The following DCDC2C variants were observed in gnomAD, a reference collection of about 807,000 sequenced individuals.
DCDC2C encodes the protein doublecortin domain-containing protein 2C.
Under a neutral mutation model 45.0 loss-of-function variants are expected in DCDC2C, and 44 were observed. That is an observed-to-expected ratio of 0.98 (90% CI 0.77 to 1.26). The LOEUF (loss-of-function observed/expected upper bound fraction) is 1.26. Among genes scored for constraint, DCDC2C ranks in the 50% most tolerant of loss-of-function variants. DCDC2C has a pLI of 0.00. For missense variants in DCDC2C, 447 were observed against 468.9 expected, an observed-to-expected ratio of 0.95 and a Z score of 0.43; for synonymous variants, 187 against 178.8, an observed-to-expected ratio of 1.05 and a Z score of -0.37.
At chr2:3,770,896 G>A (rs1305697127) in intron 8 of DCDC2C, among the ~76,000 whole-genome samples, 1 of 152,226 alleles carries the variant, frequency 6.6e-6, no homozygotes, top group Non-Finnish European at 1.5e-5. Context: ...GGAGGGAAGA[G>A]GGCCAGTAGG....
At chr2:3,704,190 T>C in intron 1 of DCDC2C, 152 bp downstream of exon 1, 2 of 708,850 alleles carry the variant, frequency 2.8e-6, no homozygotes, top group Non-Finnish European at 3.9e-6. Flanking sequence ...GCAGCCGGCG[T>C]CGGGCCGCCC....
chr2:3,835,265 G>A (rs11693058), intron 10 of DCDC2C, among the ~76,000 whole-genome samples: 68,155 of 152,044 alleles, frequency 0.45, 15,734 homozygotes, highest in Non-Finnish European at 0.5. Context: ...AAGCCCACTC[G>A]TGGTGTTCTT....
chr2:3,769,330 AC>A lies in DCDC2C; in HGVS notation c.875del (p.Pro292ArgfsTer32). Reference protein sequence around the residue: ...RGAEGDVYKAPTPSKETQGAL... With the variant: ...RGAEGDVYKAXTPSKETQGAL... ...TCCCAGAAGGTGACGTGTATAAAGCACCGACTCCTAGCAAGGAAACCCAAGG... is the reference window on the plus strand; with the variant it reads ...TCCCAGAAGGTGACGTGTATAAAGCACGACTCCTAGCAAGGAAACCCAAGG... On this transcript the variant is annotated frameshift_variant, in exon 8 of 11. Coordinates refer to ENST00000399143, the MANE Select transcript of DCDC2C (RefSeq NM_001287444.2). LOFTEE classifies it high-confidence loss of function. The A allele has an allele frequency of 6.4e-7, 1 of 1,550,512 alleles. No individual in the cohort carries two copies.
intron 2 of DCDC2C, among the ~76,000 whole-genome samples, chr2:3,721,261 T>C (rs1439302916): frequency 2.6e-5 from 4 of 152,190 alleles, no homozygotes; most frequent in African/African-American, 9.6e-5. Context: ...GTTTTTATTC[T>C]TCCTATTGTG....
chr2:3,846,833 T>C lies in DCDC2C; in HGVS notation c.1066-321T>C, dbSNP rs57099993. Among the ~76,000 whole-genome samples the C allele has an allele frequency of 6.4e-3, 975 of 152,114 alleles. 4 individuals carry two copies. Among genetic ancestry groups the C allele is most frequent in the African/African-American group, 0.017 (690 of 41,484 alleles). Reference sequence around the variant, plus strand: ...CTGTGGAGTGAGAAGGGGGAGAAGATGAAGGAAGGGGCAGAGGAATGTGAA... The same window carrying C: ...CTGTGGAGTGAGAAGGGGGAGAAGACGAAGGAAGGGGCAGAGGAATGTGAA... On this transcript the variant is annotated intron_variant, in intron 10 of 10. Transcript: ENST00000399143.
At chr2:3,727,147 C>T in intron 3 of DCDC2C, 68 bp downstream of exon 3, 1 of 1,310,646 alleles carries the variant, frequency 7.6e-7, no homozygotes, top group South Asian at 1.3e-5. Context: ...TACTTTCTAT[C>T]CTGACAAATG....
At chr2:3,709,950 C>T (rs1442388146) in intron 2 of DCDC2C, among the ~76,000 whole-genome samples, 1 of 152,180 alleles carries the variant, frequency 6.6e-6, no homozygotes, top group Non-Finnish European at 1.5e-5. Flanking sequence ...GATGTCTACA[C>T]CCGCGCTGGC....
chr2:3,704,166 G>C (rs1355791337), intron 1 of DCDC2C, 128 bp downstream of exon 1: 4 of 940,186 alleles, frequency 4.3e-6, no homozygotes, highest in East Asian at 3.3e-5. Context: ...CCCATCTTTC[G>C]GCGTGGATCC....
intron 9 of DCDC2C, among the ~76,000 whole-genome samples, chr2:3,782,955 A>C: frequency 6.6e-6 from 1 of 152,210 alleles, no homozygotes; most frequent in East Asian, 1.9e-4. Context: ...CAATGCCAAA[A>C]AATGTATCCA....
intron 3 of DCDC2C, among the ~76,000 whole-genome samples, chr2:3,735,102 G>T (rs990910769): frequency 3.5e-4 from 53 of 152,224 alleles, no homozygotes; most frequent in African/African-American, 1.3e-3. Flanking sequence ...CTGTGACCAA[G>T]ATATCATAGC....
At chr2:3,795,216 G>A (rs1268504827) in intron 10 of DCDC2C, among the ~76,000 whole-genome samples, 1 of 151,822 alleles carries the variant, frequency 6.6e-6, no homozygotes, top group African/African-American at 2.4e-5. Context: ...GGGGTTGTTT[G>A]TTTTTTTCTT....
At chr2:3,752,030 A>G (rs553015253) in intron 4 of DCDC2C, among the ~76,000 whole-genome samples, 14 of 152,098 alleles carry the variant, frequency 9.2e-5, no homozygotes, top group Non-Finnish European at 1.3e-4. Context: ...AGCACCGTAC[A>G]TGATGAAATC....
chr2:3,764,001 G>T (rs1433033436), intron 6 of DCDC2C, among the ~76,000 whole-genome samples: 1 of 152,160 alleles, frequency 6.6e-6, no homozygotes, highest in African/African-American at 2.4e-5. Flanking sequence ...CTGCTTTATT[G>T]CAACCTTTGC....
intron 1 of DCDC2C, among the ~76,000 whole-genome samples, chr2:3,707,643 G>A (rs962210594): frequency 9.9e-5 from 15 of 152,176 alleles, no homozygotes; most frequent in African/African-American, 3.1e-4. Context: ...TTGTAGCTGC[G>A]TGCATCTCCG....
chr2:3,805,209 T>C (rs894375472), intron 10 of DCDC2C, among the ~76,000 whole-genome samples: 14 of 152,164 alleles, frequency 9.2e-5, no homozygotes, highest in African/African-American at 2.9e-4. Flanking sequence ...AGAAACTGCA[T>C]GAAAGGTCCA....
intron 3 of DCDC2C, among the ~76,000 whole-genome samples, chr2:3,736,605 C>T (rs893094820): frequency 2.0e-5 from 3 of 152,150 alleles, no homozygotes; most frequent in Admixed American, 6.5e-5. Context: ...TTTCTCCCCA[C>T]GAGCCAGCAA....
chr2:3,840,984 A>G lies in DCDC2C; in HGVS notation c.1066-6170A>G, dbSNP rs534909798. ...CATGGAGCCTTCTAAACTGTCTTGC[A>G]TATGGCAGGTTCCAGGTCAGCTGAC... On this transcript the variant is annotated intron_variant, in intron 10 of 10. Transcript: ENST00000399143. Among the ~76,000 whole-genome samples the G allele has an allele frequency of 4.6e-5, 7 of 152,364 alleles. No individual in the cohort carries two copies. In the East Asian group the frequency reaches 1.2e-3, roughly 25 times the overall value.
At chr2:3,768,062 A>C (rs1328350919) in intron 7 of DCDC2C, among the ~76,000 whole-genome samples, 182 bp downstream of exon 7, 5 of 152,140 alleles carry the variant, frequency 3.3e-5, no homozygotes, top group Non-Finnish European at 7.4e-5. Flanking sequence ...CAGAAAAAAA[A>C]CATTTCACTG....
chr2:3,822,455 A>G (rs926471865), intron 10 of DCDC2C, among the ~76,000 whole-genome samples: 4 of 152,112 alleles, frequency 2.6e-5, no homozygotes, highest in Non-Finnish European at 5.9e-5. Context: ...TGTGAAGTCA[A>G]TAGTGTTATT....
Sources: gnomAD v4.1 joint callset for allele counts (sites outside exome capture counted in the v4.1 genomes callset) on GRCh38, gnomAD v4.1.1 for gene constraint, MANE v1.5 for transcripts, NCBI Gene and HGNC (gene_info 2026-07-23, HGNC 2026-07-21) for gene names.